The following UPP1 variants were observed in gnomAD, a reference collection of about 807,000 sequenced individuals.
UPP1 encodes UPase 1.
In UPP1, 25 loss-of-function variants were observed where a neutral mutation model predicts 29.6. The observed-to-expected ratio is 0.85, with a 90% CI of 0.62 to 1.18. The LOEUF is 1.18. UPP1 is among the 50% of genes most tolerant of loss of function. The pLI, the probability that UPP1 is intolerant of heterozygous loss-of-function variation, is 0.00. For synonymous variants in UPP1, 165 were observed against 159.8 expected, an observed-to-expected ratio of 1.03 and a Z score of -0.25; for missense variants, 368 against 410.4, an observed-to-expected ratio of 0.90 and a Z score of 0.89.
chr7:48,100,725 T>G (rs965942779), intron 4 of UPP1, among the ~76,000 whole-genome samples: 14 of 152,222 alleles, frequency 9.2e-5, no homozygotes, highest in Admixed American at 9.2e-4. Flanking sequence ...GTGTTATGTC[T>G]TATCAATCAT....
At position 48,108,221 on chromosome 7, in the gene UPP1, C is replaced by T; in HGVS notation, c.797C>T (p.Ala266Val). Residue 266 changes from alanine to valine, a missense_variant, in exon 9 of 9, where the codon GCC (alanine) becomes GTC (valine). Ala to Val is a moderately conservative substitution (Grantham distance 64, BLOSUM62 0). Transcript: ENST00000395564. ...AMCSACGLQA[A>V]VVCVTLLNRL... ...ATGTGGTCTTTGTCCTTTGCAGCGG[C>T]CGTGGTGTGTGTCACCCTCCTGAAC... 4.3e-6 allele frequency: 7 copies of T among 1,612,790 alleles called. No homozygotes were observed. Among genetic ancestry groups the T allele is most frequent in the Non-Finnish European group, 5.9e-6 (7 of 1,179,638 alleles).
chr7:48,101,813 T>C lies in UPP1; in HGVS notation c.163-11T>C. ...AGTGCACTAATGGGGGTCTCTCTTC[T>C]CTGGCTGCAGTTTGTGTGTGTTGGT... On this transcript the variant is annotated splice_polypyrimidine_tract_variant and intron_variant, in intron 4 of 8. Coordinates refer to ENST00000395564, the MANE Select transcript of UPP1 (RefSeq NM_003364.4). The C allele has an allele frequency of 6.2e-7, 1 of 1,612,912 alleles. No individual in the cohort carries two copies. Among genetic ancestry groups the C allele is most frequent in the Non-Finnish European group, 8.5e-7 (1 of 1,179,446 alleles).
chr7:48,088,911 T>G (rs1791654775), upstream of UPP1: 1 of 152,366 alleles, frequency 6.6e-6, no homozygotes, highest in Non-Finnish European at 1.5e-5. Flanking sequence ...CGCCCCAGGT[T>G]AGGACCACGT....
At position 48,099,727 on chromosome 7, in the gene UPP1, C is replaced by CT; in HGVS notation, c.103dup (p.Tyr35LeufsTer8). ...TAGCAAAAATGAAAGAAGATATTCTCTATCATTTCAATCTCACCACTAGCA... is the reference window on the plus strand; with the variant it reads ...TAGCAAAAATGAAAGAAGATATTCTCTTATCATTTCAATCTCACCACTAGCA... On this transcript the variant is annotated frameshift_variant, in exon 4 of 9. Transcript: ENST00000395564. LOFTEE classifies it high-confidence loss of function. 1 of 1,614,010 alleles carries CT rather than the reference C, an allele frequency of 6.2e-7. No homozygotes were observed. Among genetic ancestry groups the CT allele is most frequent in the South Asian group, 1.1e-5 (1 of 91,080 alleles).
intron 5 of UPP1, among the ~76,000 whole-genome samples, chr7:48,102,261 G>T (rs191647919): frequency 8.6e-4 from 131 of 152,310 alleles, no homozygotes; most frequent in Admixed American, 8.6e-3. Context: ...AGTGCTTGGG[G>T]TGTAGAGGAA....
intron 3 of UPP1, among the ~76,000 whole-genome samples, chr7:48,098,750 C>T (rs1423504419): frequency 6.6e-6 from 1 of 152,206 alleles, no homozygotes. Context: ...TCCCCAATTG[C>T]TCTGACATCA....
At chr7:48,090,102 C>G (rs1307297049) in intron 1 of UPP1, 86 bp from the exon 2 acceptor site, 1 of 152,248 alleles carries the variant, frequency 6.6e-6, no homozygotes, top group Non-Finnish European at 1.5e-5. Flanking sequence ...ACTTCACAGG[C>G]ATATGCGTTA....
At chr7:48,095,269 T>C (rs1792067233) in intron 3 of UPP1, among the ~76,000 whole-genome samples, 1 of 152,210 alleles carries the variant, frequency 6.6e-6, no homozygotes. Flanking sequence ...AAAGCAAGAA[T>C]TTCTTGTCTT....
At chr7:48,108,039 C>T (rs1792861451) in intron 8 of UPP1, among the ~76,000 whole-genome samples, 179 bp from the exon 9 acceptor site, 1 of 152,194 alleles carries the variant, frequency 6.6e-6, no homozygotes, top group Admixed American at 6.5e-5. Context: ...TTCCGAGCCC[C>T]TGGACCAGCG....
chr7:48,104,928 T>C (rs1459792771), intron 6 of UPP1: 1 of 152,242 alleles, frequency 6.6e-6, no homozygotes, highest in East Asian at 1.9e-4. Context: ...TTTTCCTCAA[T>C]TGCTCTGTAA....
At chr7:48,095,903 T>C (rs1792105180) in intron 3 of UPP1, among the ~76,000 whole-genome samples, 1 of 152,220 alleles carries the variant, frequency 6.6e-6, no homozygotes, top group Non-Finnish European at 1.5e-5. Flanking sequence ...CGCCTCAGTC[T>C]CCCAAAGTGC....
intron 6 of UPP1, among the ~76,000 whole-genome samples, chr7:48,104,215 T>TCAA (rs774756761): frequency 2.4e-4 from 37 of 152,006 alleles, no homozygotes; most frequent in South Asian, 8.3e-4. Flanking sequence ...AGACTCCATC[T>TCAA]CAACAACAAC....
At chr7:48,106,786 T>G (rs1285240388) in intron 6 of UPP1, 87 bp from the exon 7 acceptor site, 1 of 1,216,584 alleles carries the variant, frequency 8.2e-7, no homozygotes, top group Non-Finnish European at 1.2e-6. Context: ...TTCTTCCATA[T>G]GCTCTGCTGT....
chr7:48,099,082 C>T (rs527827653), intron 3 of UPP1, among the ~76,000 whole-genome samples: 93 of 152,302 alleles, frequency 6.1e-4, no homozygotes, highest in African/African-American at 2.2e-3. Flanking sequence ...GATGCTTGCT[C>T]TAGACCAGCA....
rs1393287290 is a variant in UPP1 at position 48,090,291 on chromosome 7, A to T, written c.-95A>T. ...TCGCGGTCGCGGGTGACTCGCCGGC[A>T]GGACACTGCCTGGAACGCCTGGAGC... is the stretch of plus-strand genomic sequence containing the variant. On this transcript the variant is annotated 5_prime_UTR_variant, in exon 2 of 9. Transcript: ENST00000395564. 2 of 152,400 alleles carry T rather than the reference A, an allele frequency of 1.3e-5. No homozygotes were observed. Among genetic ancestry groups the T allele is most frequent in the African/African-American group, 4.8e-5 (2 of 41,590 alleles). 9.4% of individuals were successfully genotyped at this position (152,400 alleles called of 1,614,324 possible). A position where few individuals can be genotyped will look rare whatever the true frequency, so the allele number is the denominator to read the frequency against.
At chr7:48,091,250 C>T (rs1305431528) in intron 2 of UPP1, among the ~76,000 whole-genome samples, 1 of 148,312 alleles carries the variant, frequency 6.7e-6, no homozygotes, top group East Asian at 2.0e-4. Context: ...TTGAGTTTAA[C>T]GGGTTAAAAC....
intron 8 of UPP1, among the ~76,000 whole-genome samples, 177 bp downstream of exon 8, chr7:48,107,684 C>CT (rs1246742945): frequency 6.6e-6 from 1 of 152,196 alleles, no homozygotes; most frequent in African/African-American, 2.4e-5. Context: ...TGTTCAATGT[C>CT]TGACTGTCAC....
chr7:48,102,008 C>T (rs372011280), intron 5 of UPP1, 26 bp downstream of exon 5: 26 of 1,607,682 alleles, frequency 1.6e-5, no homozygotes, highest in Non-Finnish European at 2.0e-5. Flanking sequence ...CCCTTGTGCT[C>T]AGTCTCTAGG....
chr7:48,094,005 C>A (rs912572109), intron 2 of UPP1, among the ~76,000 whole-genome samples: 2 of 152,080 alleles, frequency 1.3e-5, no homozygotes, highest in Admixed American at 6.6e-5. Context: ...ACTAAAAATA[C>A]AAAAATTAGC....
Sources: allele counts gnomAD v4.1 joint callset (sites outside exome capture counted in the v4.1 genomes callset), GRCh38; gene constraint gnomAD v4.1.1; transcripts MANE v1.5; gene names NCBI Gene and HGNC (gene_info 2026-07-23, HGNC 2026-07-21).